LSS: variants seen among roughly 807,000 people sequenced by gnomAD.
LSS encodes the protein 2,3-epoxysqualene-lanosterol cyclase.
Under a neutral mutation model 110.3 loss-of-function variants are expected in LSS, and 90 were observed. The observed-to-expected ratio is 0.82, with a 90% confidence interval of 0.69 to 0.97. The LOEUF (loss-of-function observed/expected upper bound fraction) is 0.97, where lower values mean the gene tolerates loss of function less well. Ranked by LOEUF, LSS falls within the 50% of genes least tolerant of loss-of-function variation. The pLI is 0.00. For synonymous variants in LSS, 433 were observed against 400.0 expected (o/e 1.08, Z -0.98); for missense variants, 927 against 990.0 (o/e 0.94, Z 0.85).
Position 46,189,762 on chromosome 21 carries a change from T to A in LSS, c.*1342A>T. 1 of 456,746 alleles carries A rather than the reference T, an allele frequency of 2.2e-6. No individual in the cohort carries two copies. Among genetic ancestry groups the A allele is most frequent in the Non-Finnish European group, 4.4e-6 (1 of 226,582 alleles). The allele number at this position is 456,746 out of a possible 1,614,324, so 28.3% of individuals were successfully genotyped here. On this transcript the variant is annotated 3_prime_UTR_variant, in exon 22 of 22. Transcript: ENST00000397728. The stretch of plus-strand genomic sequence containing the variant: ...AGGCGGCAGGGAGGGGAAGAGCAGA[T>A]AAGGAGGTATAGGGTGTGCCCTGGG...
Position 46,216,327 on chromosome 21 carries a change from G to T in LSS, c.783+62C>A. ...GGACAGGTGTGGTTAGATTCCAGAA[G>T]CCCCAGGCCCTGTGGGTCCCAGCCC... On this transcript the variant is annotated intron_variant, in intron 7 of 21. Transcript: ENST00000397728. The surrounding 1 kb of genome is among the most constrained non-coding windows in gnomAD (Gnocchi z 4.2). 1 of 1,606,148 alleles carries T rather than the reference G, an allele frequency of 6.2e-7. No homozygotes were observed.
intron 15 of LSS, among the ~76,000 whole-genome samples, chr21:46,207,061 AAC>A (rs1344812518): frequency 6.6e-6 from 1 of 152,210 alleles, no homozygotes; most frequent in African/African-American, 2.4e-5. Context: ...TCCACTGGGA[AAC>A]ACACACAAAA....
At chr21:46,207,639 C>T in intron 14 of LSS, 62 bp from the exon 15 acceptor site, 1 of 1,547,168 alleles carries the variant, frequency 6.5e-7, no homozygotes, top group South Asian at 1.2e-5. Context: ...TCAGAACCTC[C>T]CCACAGCCGC....
rs2123678004 is a variant in LSS, at chr21:46,189,975, G to A, written c.*1129C>T. 1 of 315,412 alleles carries A rather than the reference G, an allele frequency of 3.2e-6. No individual in the cohort carries two copies. The highest frequency in any genetic ancestry group is 1.1e-4 in the East Asian group (1 of 9,316). The allele number at this position is 315,412 out of a possible 1,614,324, so 19.5% of individuals were successfully genotyped here. ...CCAGACCAGACTGGGTCAGAGGCTA[G>A]AAGGGAGCTCACAGGATTGCCTGGG... On this transcript the variant is annotated 3_prime_UTR_variant, in exon 22 of 22. Coordinates refer to ENST00000397728, the MANE Select transcript of LSS (RefSeq NM_002340.6).
intron 10 of LSS, 117 bp downstream of exon 10, chr21:46,213,621 G>A (rs2080161676): frequency 7.9e-6 from 6 of 763,798 alleles, no homozygotes; most frequent in Non-Finnish European, 1.4e-5. Flanking sequence ...GGTTCCTGGA[G>A]GTATTCCCTG....
chr21:46,191,840 T>C (rs1234708515), intron 21 of LSS, 41 bp downstream of exon 21: 9 of 1,548,458 alleles, frequency 5.8e-6, no homozygotes, highest in Non-Finnish European at 8.0e-6. Context: ...ACGCTGGAGG[T>C]CAGTGCTGGG....
chr21:46,190,963 C>T lies in LSS; in HGVS notation c.*141G>A, dbSNP rs1246255291. 3.8e-5 allele frequency: 38 copies of T among 990,842 alleles called. 1 individual carries two copies. Among genetic ancestry groups the T allele is most frequent in the African/African-American group, 6.5e-5 (4 of 61,118 alleles). 61.4% of individuals were successfully genotyped at this position (990,842 alleles called of 1,614,324 possible). On this transcript the variant is annotated 3_prime_UTR_variant, in exon 22 of 22. Coordinates refer to ENST00000397728, the MANE Select transcript of LSS (RefSeq NM_002340.6). This position sits in a 1 kb window ranked among gnomAD's most constrained non-coding sequence, Gnocchi z 4.6. Reference sequence around the variant, plus strand: ...CCCTGTCCCCATCCCTGCCTCCAGCCTGGCCCCCAGATTCACATCTATGAG... The same window carrying T: ...CCCTGTCCCCATCCCTGCCTCCAGCTTGGCCCCCAGATTCACATCTATGAG...
At position 46,228,491 on chromosome 21, in the gene LSS, G is replaced by T; in HGVS notation, c.123C>A (p.Asp41Glu). The change falls in exon 2 of 22, where the codon GAC (aspartate) becomes GAA (glutamate). Residue 41 changes from aspartate to glutamate, a missense_variant. Transcript: ENST00000397728. Reference protein sequence around the residue: ...RGRQTWTYLQDERAGREQTGL... With the variant: ...RGRQTWTYLQEERAGREQTGL... ...CGGTCTGCTCGCGGCCGGCGCGCTC[G>T]TCCTGCAGGTAGGTCCACGTCTGCC... The T allele has an allele frequency of 6.2e-7, 1 of 1,603,132 alleles. No individual in the cohort carries two copies. Among genetic ancestry groups the T allele is most frequent in the Non-Finnish European group, 8.5e-7 (1 of 1,179,562 alleles).
chr21:46,227,381 C>G (rs1360966604), intron 3 of LSS, 171 bp downstream of exon 3: 1 of 735,860 alleles, frequency 1.4e-6, no homozygotes, highest in African/African-American at 1.8e-5. Context: ...GCTAGCTGAT[C>G]CCCTAGACCA....
At position 46,225,508 on chromosome 21, in the gene LSS, C is replaced by T. The variant is rs558504618; in HGVS notation, c.319+2044G>A. On this transcript the variant is annotated intron_variant, in intron 3 of 21. Transcript: ENST00000397728. ...ACTCTACTCCTCCACCTCTTGTGGA[C>T]GGCCTGACATCAGTCAGGCCCACCC... is the stretch of plus-strand genomic sequence containing the variant. 744 of 417,246 alleles carry T rather than the reference C, an allele frequency of 1.8e-3. 4 individuals are homozygous for T. Among genetic ancestry groups the T allele is most frequent in the Middle Eastern group, 8.1e-3 (10 of 1,242 alleles). 25.8% of individuals were successfully genotyped at this position (417,246 alleles called of 1,614,324 possible). A position where few individuals can be genotyped will look rare whatever the true frequency, so the allele number is the denominator to read the frequency against.
At chr21:46,220,716 C>G (rs1009440680) in intron 5 of LSS, among the ~76,000 whole-genome samples, 8 of 152,078 alleles carry the variant, frequency 5.3e-5, no homozygotes, top group Non-Finnish European at 1.2e-4. Context: ...AATTGCCCCT[C>G]AGGGCCTATA....
At chr21:46,206,238 A>C (rs2018119229) in intron 16 of LSS, among the ~76,000 whole-genome samples, 1 of 152,188 alleles carries the variant, frequency 6.6e-6, no homozygotes, top group South Asian at 2.1e-4. Flanking sequence ...ACCAGGGCTG[A>C]GATCCTCCCC....
At chr21:46,212,508 G>C (rs13048593) in intron 11 of LSS, among the ~76,000 whole-genome samples, 1 of 152,254 alleles carries the variant, frequency 6.6e-6, no homozygotes, top group African/African-American at 2.4e-5. Flanking sequence ...GGGTCAGCCA[G>C]GATCCACCGG....
intron 20 of LSS, chr21:46,193,175 C>T (rs771384238): frequency 2.4e-6 from 1 of 424,964 alleles, no homozygotes; most frequent in African/African-American, 2.4e-5. Context: ...CTTCATGTAC[C>T]TATGTCTGTG....
chr21:46,201,082 G>A (rs980553963), intron 17 of LSS, among the ~76,000 whole-genome samples: 1 of 145,156 alleles, frequency 6.9e-6, no homozygotes, highest in African/African-American at 2.7e-5. Context: ...GATCACGTGG[G>A]AGGACAGGTC....
chr21:46,221,719 C>T, intron 5 of LSS, 135 bp downstream of exon 5: 1 of 1,341,638 alleles, frequency 7.5e-7, no homozygotes, highest in South Asian at 1.3e-5. Context: ...CCTACTTCTG[C>T]TTTGACAAAT....
chr21:46,222,449 G>A lies in LSS; in HGVS notation c.428+181C>T, dbSNP rs538844507. On this transcript the variant is annotated intron_variant, in intron 4 of 21. Transcript: ENST00000397728. ...TCCATTTAACAAAAGATGTGAAGCC[G>A]AGGCCCCACCTGCATGGCCTTCAGC... The A allele has an allele frequency of 2.0e-5, 12 of 588,342 alleles. No individual in the cohort carries two copies. The East Asian group carries it at 2.6e-4, about 13-fold the overall frequency. 36.4% of individuals were successfully genotyped at this position (588,342 alleles called of 1,614,324 possible).
At chr21:46,210,594 G>T in intron 12 of LSS, 94 bp downstream of exon 12, 1 of 1,223,888 alleles carries the variant, frequency 8.2e-7, no homozygotes, top group Non-Finnish European at 1.2e-6. Context: ...GGAGTGGCAA[G>T]TGTGTGGCCA....
At chr21:46,228,170 A>G (rs1439110508) in intron 2 of LSS, among the ~76,000 whole-genome samples, 1 of 152,248 alleles carries the variant, frequency 6.6e-6, no homozygotes, top group East Asian at 1.9e-4. Flanking sequence ...CAAAGTTACA[A>G]CTATCTTTGC....
Sources: allele counts gnomAD v4.1 joint callset (sites outside exome capture counted in the v4.1 genomes callset), GRCh38; gene constraint gnomAD v4.1.1; non-coding constraint Gnocchi (gnomAD v3.1); transcripts MANE v1.5; gene names NCBI Gene and HGNC (gene_info 2026-07-23, HGNC 2026-07-21).